KLF7: variants seen among roughly 807,000 people sequenced by gnomAD.
KLF7 encodes the protein KLF transcription factor 7, also known as Krueppel-like factor 7.
A neutral mutation model predicts 27.3 loss-of-function variants in KLF7; 2 were observed. The observed-to-expected ratio is 0.07, with a 90% confidence interval of 0.03 to 0.23. The LOEUF is 0.23. Among genes scored for constraint, KLF7 ranks in the 10% least tolerant of loss-of-function variants. The pLI is 1.00. For synonymous variants in KLF7, 165 were observed against 162.4 expected (o/e 1.02, Z -0.12); for missense variants, 221 against 394.1 (o/e 0.56, Z 3.72).
intron 1 of KLF7, among the ~76,000 whole-genome samples, chr2:207,127,908 T>C (rs1365010563): frequency 3.3e-5 from 5 of 152,302 alleles, no homozygotes; most frequent in South Asian, 4.2e-4. Context: ...TGGATTTTAA[T>C]ATACACACAC....
intron 2 of KLF7, among the ~76,000 whole-genome samples, chr2:207,117,034 A>G (rs2077206698): frequency 6.6e-6 from 1 of 152,146 alleles, no homozygotes; most frequent in Non-Finnish European, 1.5e-5. Flanking sequence ...TTTATGATGA[A>G]ATACTCATTA....
At position 207,080,920 on chromosome 2, in the gene KLF7, C is replaced by A. The variant is rs1016652759; in HGVS notation, c.*293G>T. ...AATAGTGCTGAAGTAAGCAGCCAGT[C>A]TGCCTTGCTGAGTTCACCTGGTTTC... On this transcript the variant is annotated 3_prime_UTR_variant, in exon 4 of 4. Transcript: ENST00000309446. 2 of 424,472 alleles carry A rather than the reference C, an allele frequency of 4.7e-6. No individual in the cohort carries two copies. Among genetic ancestry groups the A allele is most frequent in the Non-Finnish European group, 4.1e-6 (1 of 240,998 alleles). 26.3% of individuals were successfully genotyped at this position (424,472 alleles called of 1,614,324 possible).
At chr2:207,125,903 C>T (rs2300942) in intron 1 of KLF7, among the ~76,000 whole-genome samples, 103,448 of 152,110 alleles carry the variant, frequency 0.68, 35,271 homozygotes, top group Admixed American at 0.73. Flanking sequence ...ATTACATAAA[C>T]TCACATAGAA....
At position 207,149,705 on chromosome 2, in the gene KLF7, C is replaced by G. The variant is rs778749566; in HGVS notation, c.102+15762G>C. 5.3e-4 allele frequency among the ~76,000 whole-genome samples: 81 copies of G among 152,196 alleles called. 1 individual carries two copies. The highest frequency in any genetic ancestry group is 3.1e-4 in the Non-Finnish European group (21 of 68,030). On this transcript the variant is annotated intron_variant, in intron 1 of 3. Coordinates refer to ENST00000309446, the MANE Select transcript of KLF7 (RefSeq NM_003709.4). ...AGCAGGATGTAAATCTCAACATATTCATTTGAAGAGTTCACAGGGGCTTGG... is the reference window on the plus strand; with the variant it reads ...AGCAGGATGTAAATCTCAACATATTGATTTGAAGAGTTCACAGGGGCTTGG...
intron 1 of KLF7, among the ~76,000 whole-genome samples, chr2:207,139,387 G>A (rs960737078): frequency 1.8e-4 from 27 of 152,116 alleles, no homozygotes; most frequent in African/African-American, 6.5e-4. Context: ...TATTTATGGG[G>A]AACCTAACTT....
intron 1 of KLF7, among the ~76,000 whole-genome samples, chr2:207,130,549 T>C (rs1024372149): frequency 3.3e-5 from 5 of 152,154 alleles, no homozygotes; most frequent in Non-Finnish European, 7.4e-5. Context: ...TGATGGAGAG[T>C]TGGAAGAGCT....
intron 3 of KLF7, among the ~76,000 whole-genome samples, chr2:207,084,610 C>T (rs552508160): frequency 3.7e-4 from 57 of 152,192 alleles, no homozygotes; most frequent in African/African-American, 1.3e-3. Context: ...ATTCAATACC[C>T]CAGCAAGGTA....
At position 207,078,899 on chromosome 2, in the gene KLF7, TG is replaced by T. The variant is rs1404623167; in HGVS notation, c.*2313del. Reference sequence around the variant, plus strand: ...TGTCAGCAAGCAGTGCTCCAGAAATTGTTTTTAAGTCATGTCTAGTTTTAAA... The same window carrying T: ...TGTCAGCAAGCAGTGCTCCAGAAATTTTTTTAAGTCATGTCTAGTTTTAAA... On this transcript the variant is annotated 3_prime_UTR_variant, in exon 4 of 4. Transcript: ENST00000309446. 1 of 152,196 alleles carries T rather than the reference TG, an allele frequency of 6.6e-6. No individual in the cohort carries two copies. The highest frequency in any genetic ancestry group is 1.5e-5 in the Non-Finnish European group (1 of 68,034). The allele number at this position is 152,196 out of a possible 1,614,324, so 9.4% of individuals were successfully genotyped here.
rs575593856 is a variant in KLF7 at position 207,131,271 on chromosome 2, T to C, written c.103-6867A>G. Among the ~76,000 whole-genome samples, 40 of 152,358 alleles carry C rather than the reference T, an allele frequency of 2.6e-4. 1 individual carries two copies. In the South Asian group the frequency reaches 7.9e-3, roughly 30 times the overall value. On this transcript the variant is annotated intron_variant, in intron 1 of 3. Transcript: ENST00000309446. ...TAAGTAATTGCACAAGCAGGTAAAC[T>C]GCACTTGGCTGCCCATGGGAGCCCT...
intron 2 of KLF7, among the ~76,000 whole-genome samples, chr2:207,105,303 C>T (rs2076856351): frequency 6.6e-6 from 1 of 152,176 alleles, no homozygotes; most frequent in Non-Finnish European, 1.5e-5. Flanking sequence ...AGGAGAAACA[C>T]CAGGTGATAA....
chr2:207,092,647 A>G (rs2076538338), intron 2 of KLF7, among the ~76,000 whole-genome samples: 1 of 152,196 alleles, frequency 6.6e-6, no homozygotes, highest in Admixed American at 6.5e-5. Flanking sequence ...TCTGAAATGA[A>G]ATGTGGTCTA....
At chr2:207,106,626 C>T (rs1023773840) in intron 2 of KLF7, among the ~76,000 whole-genome samples, 2 of 152,146 alleles carry the variant, frequency 1.3e-5, no homozygotes, top group African/African-American at 4.8e-5. Flanking sequence ...AGTTCCCCTG[C>T]AAGAAGCGTG....
upstream of KLF7, among the ~76,000 whole-genome samples, chr2:207,171,684 C>T (rs185884331): frequency 2.1e-4 from 32 of 152,264 alleles, no homozygotes; most frequent in African/African-American, 7.0e-4. Flanking sequence ...ATGATAGTTA[C>T]CAATTTTTAG....
chr2:207,109,728 T>C (rs947090954), intron 2 of KLF7, among the ~76,000 whole-genome samples: 2 of 152,224 alleles, frequency 1.3e-5, no homozygotes, highest in East Asian at 3.8e-4. Flanking sequence ...ACCCTTTCTT[T>C]AGCACATCTG....
chr2:207,118,475 C>T (rs1272485729), intron 2 of KLF7, among the ~76,000 whole-genome samples: 6 of 152,190 alleles, frequency 3.9e-5, no homozygotes, highest in African/African-American at 1.4e-4. Context: ...TTAAACTATA[C>T]GTCTTTAATT....
In KLF7 at chr2:207,165,687, T is replaced by A; in HGVS notation, c.-119A>T. On this transcript the variant is annotated 5_prime_UTR_variant, in exon 1 of 4. Transcript: ENST00000309446. Reference sequence around the variant, plus strand: ...AGGCAGACATCCAGTGGCCCTTTTGTTTTGTTTTGTTTCAGTCAACTAAAA... The same window carrying A: ...AGGCAGACATCCAGTGGCCCTTTTGATTTGTTTTGTTTCAGTCAACTAAAA... 1 of 1,519,076 alleles carries A rather than the reference T, an allele frequency of 6.6e-7. No homozygotes were observed. Among genetic ancestry groups the A allele is most frequent in the Non-Finnish European group, 8.8e-7 (1 of 1,137,116 alleles). 94.1% of individuals were successfully genotyped at this position (1,519,076 alleles called of 1,614,324 possible). A position where few individuals can be genotyped will look rare whatever the true frequency, so the allele number is the denominator to read the frequency against.
At chr2:207,093,942 A>C (rs1241015773) in intron 2 of KLF7, among the ~76,000 whole-genome samples, 1 of 152,196 alleles carries the variant, frequency 6.6e-6, no homozygotes, top group African/African-American at 2.4e-5. Flanking sequence ...CTTCTTCCCT[A>C]TCTTCCACAG....
intron 1 of KLF7, among the ~76,000 whole-genome samples, chr2:207,129,397 T>C (rs1183679717): frequency 6.6e-6 from 1 of 152,174 alleles, no homozygotes; most frequent in Non-Finnish European, 1.5e-5. Context: ...AAAAAATTCA[T>C]TACAGTCAGC....
At chr2:207,141,696 C>T (rs2077946912) in intron 1 of KLF7, among the ~76,000 whole-genome samples, 2 of 152,024 alleles carry the variant, frequency 1.3e-5, no homozygotes, top group African/African-American at 4.8e-5. Flanking sequence ...AGTTAGAGTG[C>T]GTGAGACAAG....
Sources: allele counts gnomAD v4.1 joint callset (sites outside exome capture counted in the v4.1 genomes callset), GRCh38; gene constraint gnomAD v4.1.1; transcripts MANE v1.5; gene names NCBI Gene and HGNC (gene_info 2026-07-23, HGNC 2026-07-21).